Variants in SSH2 observed in about 807,000 individuals in gnomAD.
The protein encoded by SSH2 is protein phosphatase Slingshot homolog 2.
A neutral mutation model predicts 135.2 loss-of-function variants in SSH2; 37 were observed. The ratio of observed to expected loss-of-function variants is 0.27; its 90% CI spans 0.21 to 0.36. The LOEUF (loss-of-function observed/expected upper bound fraction) is 0.36. SSH2 is among the 10% of genes least tolerant of loss of function. The pLI is 1.00. For synonymous variants in SSH2, 628 were observed against 646.2 expected, an observed-to-expected ratio of 0.97 and a Z score of 0.43; for missense variants, 1,408 against 1,765.3, an observed-to-expected ratio of 0.80 and a Z score of 3.63.
intron 2 of SSH2, among the ~76,000 whole-genome samples, chr17:29,825,522 GA>G (rs1470540975): frequency 2.6e-5 from 4 of 152,280 alleles, no homozygotes. Flanking sequence ...ATGGCTTAAA[GA>G]GGATGTTCAT....
chr17:29,666,100 G>A (rs1055848938), intron 11 of SSH2, among the ~76,000 whole-genome samples: 6 of 152,284 alleles, frequency 3.9e-5, no homozygotes, highest in Non-Finnish European at 7.4e-5. Context: ...GGCCAGGTGC[G>A]ATGGCTCATG....
intron 4 of SSH2, among the ~76,000 whole-genome samples, chr17:29,701,680 C>T (rs2038989165): frequency 6.6e-6 from 1 of 152,120 alleles, no homozygotes; most frequent in African/African-American, 2.4e-5. Flanking sequence ...AAGTGATTCT[C>T]CTGCCTCAGC....
At chr17:29,900,659 G>A (rs2066534157) in intron 1 of SSH2, among the ~76,000 whole-genome samples, 1 of 152,152 alleles carries the variant, frequency 6.6e-6, no homozygotes, top group South Asian at 2.1e-4. Flanking sequence ...GGAGAAATAG[G>A]AACACTTTTA....
intron 1 of SSH2, among the ~76,000 whole-genome samples, chr17:29,887,770 G>T (rs2066267675): frequency 6.6e-6 from 1 of 152,160 alleles, no homozygotes; most frequent in Admixed American, 6.5e-5. Flanking sequence ...TGCAGTTCAG[G>T]TTAGGGAATG....
At chr17:29,798,565 G>A (rs375266625) in intron 2 of SSH2, among the ~76,000 whole-genome samples, 11 of 152,118 alleles carry the variant, frequency 7.2e-5, no homozygotes, top group African/African-American at 1.9e-4. Flanking sequence ...GATTATTATC[G>A]TTATGCATAT....
At chr17:29,767,629 GCA>G (rs35751093) in intron 3 of SSH2, among the ~76,000 whole-genome samples, 2,964 of 147,468 alleles carry the variant, frequency 0.02, 37 homozygotes, top group Middle Eastern at 0.056. Flanking sequence ...GCACACACAC[GCA>G]CACACACACA....
intron 2 of SSH2, among the ~76,000 whole-genome samples, chr17:29,813,961 C>A (rs1467949380): frequency 1.4e-5 from 2 of 145,748 alleles, no homozygotes; most frequent in East Asian, 2.0e-4. Context: ...GAAACCCTGT[C>A]TCTACTAAAA....
At chr17:29,709,047 G>A (rs997134794) in intron 3 of SSH2, among the ~76,000 whole-genome samples, 1 of 147,314 alleles carries the variant, frequency 6.8e-6, no homozygotes, top group South Asian at 2.1e-4. Flanking sequence ...GAGAGAGAGA[G>A]AGAGAGCTAA....
intron 14 of SSH2, chr17:29,643,360 T>C (rs979144138): frequency 1.3e-6 from 1 of 777,134 alleles, no homozygotes. Context: ...CACTGTCCCA[T>C]GGGTTCAGGA....
intron 3 of SSH2, among the ~76,000 whole-genome samples, chr17:29,708,648 T>A: frequency 6.7e-6 from 1 of 150,294 alleles, no homozygotes. Context: ...AGGTGAAAAC[T>A]TTTTCATGTT....
At chr17:29,762,641 C>G (rs1372680205) in intron 3 of SSH2, among the ~76,000 whole-genome samples, 2 of 152,196 alleles carry the variant, frequency 1.3e-5, no homozygotes, top group Non-Finnish European at 2.9e-5. Flanking sequence ...TAAGCCCTTA[C>G]CATGTTCCTT....
chr17:29,638,180 G>A (rs56053219), intron 14 of SSH2, among the ~76,000 whole-genome samples: 2 of 150,948 alleles, frequency 1.3e-5, no homozygotes, highest in East Asian at 1.9e-4. Flanking sequence ...TAAAAGATGA[G>A]ACACCAAACA....
At chr17:29,680,742 A>AC (rs1315219837) in intron 6 of SSH2, among the ~76,000 whole-genome samples, 1 of 151,852 alleles carries the variant, frequency 6.6e-6, no homozygotes, top group African/African-American at 2.4e-5. Context: ...CGCACAAAAA[A>AC]ATTTGTTTTG....
chr17:29,779,810 CAAAAAAAAAAAAAAAAA>C (rs56789691), intron 3 of SSH2, among the ~76,000 whole-genome samples: 24 of 19,610 alleles, frequency 1.2e-3, no homozygotes, highest in East Asian at 2.9e-3. Context: ...GACTCTGTCT[CAAAAAAAAAAAAAAAAA>C]AAAAAAAAAA....
chr17:29,658,685 T>A (rs1317911574), intron 11 of SSH2, among the ~76,000 whole-genome samples: 1 of 151,916 alleles, frequency 6.6e-6, no homozygotes, highest in Non-Finnish European at 1.5e-5. Flanking sequence ...CTGACCACCA[T>A]GGAGAAACCC....
intron 1 of SSH2, among the ~76,000 whole-genome samples, chr17:29,897,086 A>C (rs970925554): frequency 3.2e-4 from 49 of 152,122 alleles, no homozygotes; most frequent in African/African-American, 1.2e-3. Context: ...AAGTAGTTAC[A>C]AAAGAATTAG....
intron 8 of SSH2, chr17:29,675,850 T>C (rs985028644): frequency 3.3e-5 from 5 of 152,222 alleles, no homozygotes; most frequent in African/African-American, 1.2e-4. Context: ...AGATCTATCC[T>C]GTCTAAATGT....
intron 3 of SSH2, among the ~76,000 whole-genome samples, chr17:29,706,680 A>C (rs1417825833): frequency 6.6e-6 from 1 of 152,232 alleles, no homozygotes; most frequent in African/African-American, 2.4e-5. Context: ...TAAAGGCTAA[A>C]TATTCTACCT....
chr17:29,630,927 G>C lies in SSH2; in HGVS notation c.4267C>G (p.Gln1423Glu). The C allele has an allele frequency of 6.2e-7, 1 of 1,609,120 alleles. No homozygotes were observed. The highest frequency in any genetic ancestry group is 1.3e-5 in the African/African-American group (1 of 74,944). Residue 1423 changes from glutamine (Q) to glutamate (E), a missense_variant, in exon 16 of 16, where the codon CAA becomes GAA. Coordinates refer to ENST00000540801, the MANE Select transcript of SSH2 (RefSeq NM_001282129.2). ...APGLAVAPRQ[Q>E]HGRTHPLRRL... ...CTAAGGGGGTGAGTTCTGCCGTGTT[G>C]CTGACGGGGTGCCACGGCCAGCCCT...
Sources: allele counts gnomAD v4.1 joint callset (sites outside exome capture counted in the v4.1 genomes callset), GRCh38; gene constraint gnomAD v4.1.1; transcripts MANE v1.5; gene names NCBI Gene and HGNC (gene_info 2026-07-23, HGNC 2026-07-21).